Variants in MAPK6 observed in about 807,000 individuals in gnomAD.
The protein encoded by MAPK6 is mitogen-activated protein kinase 6.
A neutral mutation model predicts 59.3 loss-of-function variants in MAPK6; 19 were observed. That is an observed-to-expected ratio of 0.32 (90% CI 0.22 to 0.47). MAPK6 has a LOEUF of 0.47. Ranked by LOEUF, MAPK6 falls within the 20% of genes least tolerant of loss-of-function variation. MAPK6 has a pLI of 1.00. For synonymous variants in MAPK6, 316 were observed against 290.3 expected, an observed-to-expected ratio of 1.09 and a Z score of -0.90; for missense variants, 724 against 847.9, an observed-to-expected ratio of 0.85 and a Z score of 1.81.
intron 1 of MAPK6, among the ~76,000 whole-genome samples, chr15:51,981,842 AAAACG>A (rs2057174529): frequency 6.6e-6 from 1 of 152,208 alleles, no homozygotes; most frequent in African/African-American, 2.4e-5. Flanking sequence ...CTGAATAAGA[AAAACG>A]ATATGCAGAA....
chr15:52,030,902 G>A (rs768854917), intron 1 of MAPK6, among the ~76,000 whole-genome samples: 44 of 149,610 alleles, frequency 2.9e-4, no homozygotes, highest in Non-Finnish European at 5.3e-4. Flanking sequence ...AGCAATTCTC[G>A]TGCCTCAGCC....
intron 1 of MAPK6, among the ~76,000 whole-genome samples, chr15:52,043,541 C>A (rs1405537229): frequency 6.6e-6 from 1 of 151,942 alleles, no homozygotes; most frequent in Admixed American, 6.6e-5. Flanking sequence ...AGGAGATCCA[C>A]CTGCCTTGGC....
At chr15:52,028,247 C>A (rs530251759) in intron 1 of MAPK6, among the ~76,000 whole-genome samples, 1 of 152,046 alleles carries the variant, frequency 6.6e-6, no homozygotes, top group Non-Finnish European at 1.5e-5. Context: ...CCACCGCGCC[C>A]GGCAATTTTT....
intron 1 of MAPK6, among the ~76,000 whole-genome samples, chr15:52,025,214 C>A (rs568716448): frequency 1.3e-5 from 2 of 152,064 alleles, no homozygotes; most frequent in Non-Finnish European, 2.9e-5. Flanking sequence ...GCGTTCCAGC[C>A]TGGGCAACAG....
intron 1 of MAPK6, among the ~76,000 whole-genome samples, chr15:52,025,201 G>A (rs766639458): frequency 1.2e-4 from 18 of 152,030 alleles, no homozygotes; most frequent in South Asian, 4.2e-4. Flanking sequence ...TGATCGCACC[G>A]CAGCGTTCCA....
chr15:52,020,673 G>C (rs2030491069), intron 1 of MAPK6, among the ~76,000 whole-genome samples: 1 of 152,138 alleles, frequency 6.6e-6, no homozygotes, highest in Non-Finnish European at 1.5e-5. Flanking sequence ...AACAGGGCCT[G>C]GCCCTGAAAT....
At chr15:52,001,662 C>A (rs750311233) in intron 2 of MAPK6, among the ~76,000 whole-genome samples, 3 of 152,018 alleles carry the variant, frequency 2.0e-5, no homozygotes, top group Non-Finnish European at 4.4e-5. Flanking sequence ...GCACGAGTCA[C>A]CACACCTGGC....
chr15:51,999,419 T>G (rs574681170), intron 2 of MAPK6, among the ~76,000 whole-genome samples: 1 of 152,372 alleles, frequency 6.6e-6, no homozygotes, highest in African/African-American at 2.4e-5. Flanking sequence ...ATTTTCCATT[T>G]GTATATCTTC....
At chr15:52,026,809 T>C (rs1412778627) in intron 1 of MAPK6, among the ~76,000 whole-genome samples, 2 of 150,990 alleles carry the variant, frequency 1.3e-5, no homozygotes, top group Non-Finnish European at 3.0e-5. Flanking sequence ...CTCAGCACTT[T>C]GGGAGGCCGA....
intron 1 of MAPK6, among the ~76,000 whole-genome samples, chr15:52,025,018 T>G (rs2030710343): frequency 6.6e-6 from 1 of 151,894 alleles, no homozygotes; most frequent in Admixed American, 6.6e-5. Flanking sequence ...CGCATTCAGT[T>G]TGAGAAGCAC....
rs1006506718 is a variant in MAPK6 at position 52,014,177 on chromosome 15, A to G, written c.-632+9775A>G. 1.3e-3 allele frequency among the ~76,000 whole-genome samples: 194 copies of G among 152,188 alleles called. 2 individuals carry two copies. Among genetic ancestry groups the G allele is most frequent in the African/African-American group, 4.5e-3 (187 of 41,504 alleles). On this transcript the variant is annotated intron_variant, in intron 3 of 7. Transcript: ENST00000691380. ...CAATTGTTCCTTCCATTATAGTCCA[A>G]CAACCGCAAATAATTTGCATCTCTG...
intron 3 of MAPK6, among the ~76,000 whole-genome samples, chr15:52,013,481 A>C (rs1339173775): frequency 6.6e-6 from 1 of 152,192 alleles, no homozygotes; most frequent in African/African-American, 2.4e-5. Context: ...AAGATAAAAC[A>C]AGAAGCCTAA....
chr15:51,985,466 C>G lies in MAPK6; in HGVS notation c.-770+2151C>G, dbSNP rs982692167. The stretch of plus-strand genomic sequence containing the variant: ...GGTCAGAAGTTTGAGACCAGCCTGA[C>G]CAACATGGCGAAACCCCATATCTAC... On this transcript the variant is annotated intron_variant, in intron 2 of 7. Coordinates refer to the MAPK6 transcript ENST00000691380. Among the ~76,000 whole-genome samples, 12 of 147,690 alleles carry G rather than the reference C, an allele frequency of 8.1e-5. 1 individual carries two copies. The highest frequency in any genetic ancestry group is 7.4e-3 in the Middle Eastern group (2 of 270).
intron 3 of MAPK6, among the ~76,000 whole-genome samples, chr15:52,006,681 C>A (rs1336132735): frequency 6.6e-6 from 1 of 152,098 alleles, no homozygotes; most frequent in Non-Finnish European, 1.5e-5. Context: ...TTGCCAGGGG[C>A]CAATCAACCC....
chr15:51,990,739 G>A (rs1454814605), intron 2 of MAPK6, among the ~76,000 whole-genome samples: 2 of 152,170 alleles, frequency 1.3e-5, no homozygotes, highest in Non-Finnish European at 2.9e-5. Flanking sequence ...TCACGAGGTC[G>A]GGAGATCGAG....
At chr15:52,051,474 T>G (rs1305065724) in intron 3 of MAPK6, among the ~76,000 whole-genome samples, 3 of 152,198 alleles carry the variant, frequency 2.0e-5, no homozygotes, top group African/African-American at 7.2e-5. Context: ...AGGAGAGCAC[T>G]GGTGAAGAAA....
intron 1 of MAPK6, among the ~76,000 whole-genome samples, chr15:51,972,999 G>A (rs769888971): frequency 5.9e-5 from 9 of 151,654 alleles, no homozygotes; most frequent in Non-Finnish European, 1.0e-4. Context: ...ACAGAGTAAG[G>A]CTCTGTTTCT....
chr15:51,976,894 G>T (rs1595955351), intron 1 of MAPK6, among the ~76,000 whole-genome samples: 4 of 151,706 alleles, frequency 2.6e-5, no homozygotes, highest in Admixed American at 6.6e-5. Context: ...CAGGAGCCTA[G>T]ATTAAGCCAC....
At chr15:52,035,283 T>G (rs1428621153) in intron 1 of MAPK6, among the ~76,000 whole-genome samples, 1 of 152,204 alleles carries the variant, frequency 6.6e-6, no homozygotes, top group African/African-American at 2.4e-5. Flanking sequence ...TGGTAGAGGC[T>G]CTTTTCTTCA....
Sources: allele counts gnomAD v4.1 joint callset (sites outside exome capture counted in the v4.1 genomes callset), GRCh38; gene constraint gnomAD v4.1.1; transcripts MANE v1.5; gene names NCBI Gene and HGNC (gene_info 2026-07-23, HGNC 2026-07-21).